VPS50: variants seen among roughly 807,000 people sequenced by gnomAD.
VPS50 encodes syndetin.
Under a neutral mutation model 139.7 loss-of-function variants are expected in VPS50, and 70 were observed. The ratio of observed to expected loss-of-function variants is 0.50; its 90% CI spans 0.41 to 0.61. The LOEUF (loss-of-function observed/expected upper bound fraction) is 0.61, where lower values mean the gene tolerates loss of function less well. Among genes scored for constraint, VPS50 ranks in the 20% least tolerant of loss-of-function variants. The pLI is 0.00. For missense variants in VPS50, 921 were observed against 1,133.7 expected (o/e 0.81, Z 2.69); for synonymous variants, 365 against 376.7 (o/e 0.97, Z 0.36).
chr7:93,251,503 A>G (rs1295026622), intron 2 of VPS50, among the ~76,000 whole-genome samples: 9 of 128,928 alleles, frequency 7.0e-5, no homozygotes, highest in African/African-American at 2.6e-4. Flanking sequence ...AACGTCACAC[A>G]CTGGGGCTTA....
intron 12 of VPS50, among the ~76,000 whole-genome samples, chr7:93,278,581 ACT>A (rs1476208762): frequency 7.4e-6 from 1 of 135,302 alleles, no homozygotes; most frequent in African/African-American, 2.9e-5. Flanking sequence ...TGGGCGACAG[ACT>A]CTGTCTCAAA....
chr7:93,351,173 T>C (rs1253676245), intron 25 of VPS50, among the ~76,000 whole-genome samples: 1 of 152,116 alleles, frequency 6.6e-6, no homozygotes, highest in Non-Finnish European at 1.5e-5. Flanking sequence ...GCTAGGAGTT[T>C]CCATAGAGAT....
chr7:93,283,670 G>C (rs1244088695), intron 12 of VPS50, among the ~76,000 whole-genome samples: 1 of 152,178 alleles, frequency 6.6e-6, no homozygotes, highest in Non-Finnish European at 1.5e-5. Flanking sequence ...ATAAGAAAAG[G>C]TCAAATGGCA....
intron 2 of VPS50, among the ~76,000 whole-genome samples, chr7:93,250,630 A>T (rs1031214998): frequency 1.3e-5 from 2 of 152,204 alleles, no homozygotes; most frequent in African/African-American, 4.8e-5. Flanking sequence ...GGACATAGGC[A>T]TGGGCAAAGA....
chr7:93,286,447 T>C (rs1323464232), intron 12 of VPS50, among the ~76,000 whole-genome samples: 2 of 152,104 alleles, frequency 1.3e-5, no homozygotes, highest in Non-Finnish European at 2.9e-5. Flanking sequence ...AGTGATGAAA[T>C]AGGAAGATAC....
chr7:93,266,179 A>G (rs1795839270), intron 9 of VPS50, among the ~76,000 whole-genome samples: 1 of 152,202 alleles, frequency 6.6e-6, no homozygotes, highest in African/African-American at 2.4e-5. Flanking sequence ...TTGGAAGTAC[A>G]TTTACTTAAG....
At chr7:93,322,810 C>T (rs898431808) in intron 20 of VPS50, among the ~76,000 whole-genome samples, 4 of 151,972 alleles carry the variant, frequency 2.6e-5, no homozygotes, top group Admixed American at 2.6e-4. Flanking sequence ...TGGGGACTTG[C>T]AGTTATTTGT....
intron 18 of VPS50, among the ~76,000 whole-genome samples, 167 bp from the exon 19 acceptor site, chr7:93,308,657 A>G (rs1267626233): frequency 6.6e-6 from 1 of 151,950 alleles, no homozygotes; most frequent in Non-Finnish European, 1.5e-5. Flanking sequence ...TAGAATGATG[A>G]AGACAATGGA....
intron 22 of VPS50, among the ~76,000 whole-genome samples, chr7:93,334,779 T>C (rs1466083122): frequency 6.6e-6 from 1 of 152,208 alleles, no homozygotes; most frequent in Non-Finnish European, 1.5e-5. Context: ...ATAGGTTAGA[T>C]AGCAACACAG....
intron 12 of VPS50, among the ~76,000 whole-genome samples, chr7:93,290,363 T>TG (rs1022503584): frequency 3.3e-5 from 5 of 151,754 alleles, no homozygotes; most frequent in African/African-American, 1.2e-4. Context: ...AATTAGCAGG[T>TG]GTTCTCATAA....
chr7:93,294,762 G>T, intron 14 of VPS50, 126 bp downstream of exon 14: 1 of 694,638 alleles, frequency 1.4e-6, no homozygotes. Context: ...GTTTCTGTTT[G>T]GAATTAGGCT....
intron 20 of VPS50, among the ~76,000 whole-genome samples, chr7:93,314,256 C>A (rs1797356696): frequency 2.6e-5 from 4 of 152,084 alleles, no homozygotes. Flanking sequence ...TTTGGGAAAC[C>A]ATATTAGAAC....
At chr7:93,288,447 G>A (rs1249772230) in intron 12 of VPS50, among the ~76,000 whole-genome samples, 1 of 152,128 alleles carries the variant, frequency 6.6e-6, no homozygotes, top group Non-Finnish European at 1.5e-5. Flanking sequence ...ATAACATGGT[G>A]CATATGTATT....
rs1334705562 is a variant in VPS50 at position 93,276,170 on chromosome 7, A to G, written c.807A>G (p.Ala269=). The change falls in exon 12 of 28, where the codon GCA becomes GCG. Residue 269 remains alanine, a synonymous_variant. Coordinates refer to ENST00000305866, the MANE Select transcript of VPS50 (RefSeq NM_017667.4). ...GCGTTTTTTTCTTTCCACAGACAGC[A>G]ATGGATCAACTTCATATGCACTTCA... ...AYRLLGKTQT[A]MDQLHMHFTQ... The G allele has an allele frequency of 2.5e-6, 4 of 1,607,024 alleles. No homozygotes were observed. The highest frequency in any genetic ancestry group is 1.7e-5 in the Admixed American group (1 of 58,836).
At chr7:93,343,704 C>A (rs1485312082) in intron 23 of VPS50, among the ~76,000 whole-genome samples, 1 of 152,100 alleles carries the variant, frequency 6.6e-6, no homozygotes, top group African/African-American at 2.4e-5. Flanking sequence ...AATTTCCAAC[C>A]CAGAATTTCA....
At chr7:93,349,498 G>C (rs1798499061) in intron 24 of VPS50, among the ~76,000 whole-genome samples, 2 of 152,186 alleles carry the variant, frequency 1.3e-5, no homozygotes, top group South Asian at 4.2e-4. Flanking sequence ...CAGTCCTAGA[G>C]ACAGGGAAAC....
intron 3 of VPS50, 140 bp downstream of exon 3, chr7:93,252,915 A>G (rs1325528599): frequency 6.6e-6 from 4 of 601,802 alleles, no homozygotes; most frequent in Non-Finnish European, 1.2e-5. Context: ...TGATTAAATC[A>G]ACTGTCAGCA....
At chr7:93,259,969 T>C (rs1302077430) in intron 9 of VPS50, among the ~76,000 whole-genome samples, 2 of 152,188 alleles carry the variant, frequency 1.3e-5, no homozygotes, top group African/African-American at 2.4e-5. Context: ...TTCCTTAACT[T>C]TGCCCAGCTT....
In VPS50 at chr7:93,291,851, T is replaced by G; in HGVS notation, c.1075+16T>G. The G allele has an allele frequency of 6.5e-7, 1 of 1,531,982 alleles. No homozygotes were observed. The highest frequency in any genetic ancestry group is 8.8e-7 in the Non-Finnish European group (1 of 1,133,094). The allele number at this position is 1,531,982 out of a possible 1,614,324, so 94.9% of individuals were successfully genotyped here. A position where few individuals can be genotyped will look rare whatever the true frequency, so the allele number is the denominator to read the frequency against. The stretch of plus-strand genomic sequence containing the variant: ...TCAGCTTCTGGTAGGAAAATATTTT[T>G]ATTTTATTTTAAAAATTGAACTATA... On this transcript the variant is annotated intron_variant, in intron 13 of 27. Transcript: ENST00000305866.
Sources: gnomAD v4.1 joint callset for allele counts (sites outside exome capture counted in the v4.1 genomes callset) on GRCh38, gnomAD v4.1.1 for gene constraint, MANE v1.5 for transcripts, NCBI Gene and HGNC (gene_info 2026-07-23, HGNC 2026-07-21) for gene names.